The following TENM3 variants were observed in gnomAD, a reference collection of about 807,000 sequenced individuals.
TENM3 encodes teneurin transmembrane protein 3.
TENM3 carries 63 observed loss-of-function variants against 255.1 expected under a neutral mutation model. That is an observed-to-expected ratio of 0.25 (90% confidence interval 0.20 to 0.30). The LOEUF is 0.30. Ranked by LOEUF, TENM3 falls within the 10% of genes least tolerant of loss-of-function variation. The pLI is 1.00. For missense variants in TENM3, 2,929 were observed against 3,461.1 expected (o/e 0.85, Z 3.86); for synonymous variants, 1,306 against 1,322.3 (o/e 0.99, Z 0.27).
chr4:181,966,224 G>A, the TENM3 span, among the ~76,000 whole-genome samples: 1 of 152,142 alleles, frequency 6.6e-6, no homozygotes, highest in Non-Finnish European at 1.5e-5. Flanking sequence ...TGGAGAGTGA[G>A]TTACACAGGG....
the TENM3 span, among the ~76,000 whole-genome samples, chr4:182,136,018 T>A: frequency 6.6e-6 from 1 of 152,204 alleles, no homozygotes; most frequent in Admixed American, 6.5e-5. Context: ...AAATTTCAGA[T>A]AATTTGTATG....
the TENM3 span, among the ~76,000 whole-genome samples, chr4:181,818,864 A>G: frequency 1.3e-5 from 2 of 152,264 alleles, 1 homozygote; most frequent in South Asian, 4.1e-4. Context: ...TGGCCTCCCA[A>G]AGTGCTGGGA....
At chr4:182,117,684 T>C in the TENM3 span, among the ~76,000 whole-genome samples, 1 of 152,226 alleles carries the variant, frequency 6.6e-6, no homozygotes, top group African/African-American at 2.4e-5. Context: ...ACACCACACT[T>C]TCTTGATTAT....
intron 3 of TENM3, among the ~76,000 whole-genome samples, chr4:182,409,648 T>C (rs17073259): frequency 0.08 from 12,111 of 152,234 alleles, 798 homozygotes; most frequent in East Asian, 0.22. Flanking sequence ...GTCAAATAGA[T>C]ATTAGCTAGA....
chr4:181,605,596 A>AG, the TENM3 span, among the ~76,000 whole-genome samples: 229 of 131,288 alleles, frequency 1.7e-3, 22 homozygotes, highest in Admixed American at 0.01. Flanking sequence ...AAAGAAAGAA[A>AG]GAAAGAAAGA....
At chr4:181,895,353 A>C in the TENM3 span, among the ~76,000 whole-genome samples, 3 of 151,980 alleles carry the variant, frequency 2.0e-5, no homozygotes, top group Non-Finnish European at 4.4e-5. Flanking sequence ...TTTCTTTCTG[A>C]ATCAAACTAC....
intron 1 of TENM3, among the ~76,000 whole-genome samples, chr4:182,256,529 C>T (rs1758411210): frequency 1.3e-5 from 2 of 152,110 alleles, no homozygotes; most frequent in African/African-American, 4.8e-5. Flanking sequence ...CTTTTAAGAT[C>T]CTAAAACTCT....
In TENM3 at chr4:182,289,790, G is replaced by T. The variant is rs1760989959; in HGVS notation, c.-75-34156G>T. On this transcript the variant is annotated intron_variant, in intron 1 of 27. Coordinates refer to ENST00000511685, the MANE Select transcript of TENM3 (RefSeq NM_001080477.4). ...GGCCTTGTAGAAGTTGAATTTAATG[G>T]GATGATTTCATTTTCCAATGTCTTC... 2.6e-5 allele frequency among the ~76,000 whole-genome samples: 4 copies of T among 152,070 alleles called. No homozygotes were observed. The South Asian group carries it at 8.3e-4, about 32-fold the overall frequency.
chr4:182,374,924 T>G (rs28626927), intron 3 of TENM3, among the ~76,000 whole-genome samples: 3,095 of 152,254 alleles, frequency 0.02, 52 homozygotes, highest in East Asian at 0.067. Context: ...TTCCTTGCAA[T>G]TCCTGTGAAG....
chr4:182,790,624 C>T (rs6843840), intron 25 of TENM3, among the ~76,000 whole-genome samples: 16,985 of 152,150 alleles, frequency 0.11, 1,152 homozygotes, highest in Admixed American at 0.16. Flanking sequence ...CTCACCTGTC[C>T]GCTCTCATCA....
chr4:182,154,999 A>G (rs1463114239), intron 1 of TENM3, among the ~76,000 whole-genome samples: 1 of 152,204 alleles, frequency 6.6e-6, no homozygotes, highest in African/African-American at 2.4e-5. Flanking sequence ...TTTTGGTCCA[A>G]TAAATACATT....
intron 1 of TENM3, among the ~76,000 whole-genome samples, chr4:182,316,917 G>C (rs1323287131): frequency 6.6e-6 from 1 of 152,194 alleles, no homozygotes; most frequent in Non-Finnish European, 1.5e-5. Context: ...AAATTTTCAA[G>C]GCAGTAAGCA....
intron 1 of TENM3, among the ~76,000 whole-genome samples, chr4:182,181,792 T>A (rs1453337627): frequency 6.6e-6 from 1 of 152,206 alleles, no homozygotes; most frequent in Non-Finnish European, 1.5e-5. Flanking sequence ...ATAGTGCATT[T>A]GGTAAGTGTC....
the TENM3 span, among the ~76,000 whole-genome samples, chr4:182,044,276 A>G: frequency 6.6e-6 from 1 of 152,216 alleles, no homozygotes; most frequent in Non-Finnish European, 1.5e-5. Context: ...AAAAGAAAGG[A>G]AAGAACTTCA....
chr4:182,159,775 C>T (rs1750984297), intron 1 of TENM3, among the ~76,000 whole-genome samples: 1 of 152,040 alleles, frequency 6.6e-6, no homozygotes, highest in South Asian at 2.1e-4. Context: ...CCGGGAGCAG[C>T]GACACGATAG....
the TENM3 span, among the ~76,000 whole-genome samples, chr4:181,469,126 A>G: frequency 6.6e-6 from 1 of 151,992 alleles, no homozygotes; most frequent in Admixed American, 6.6e-5. Context: ...TCATGGGTAT[A>G]TTTTCTACTG....
At chr4:181,949,607 A>G in the TENM3 span, among the ~76,000 whole-genome samples, 1 of 152,122 alleles carries the variant, frequency 6.6e-6, no homozygotes, top group African/African-American at 2.4e-5. Flanking sequence ...CCTGGACCCT[A>G]TTCCTCCGCA....
Position 182,754,343 on chromosome 4 carries a change from G to A in TENM3, c.4018-42G>A. 6.6e-7 allele frequency: 1 copy of A among 1,514,074 alleles called. No homozygotes were observed. Among genetic ancestry groups the A allele is most frequent in the African/African-American group, 1.4e-5 (1 of 72,622 alleles). The allele number at this position is 1,514,074 out of a possible 1,614,324, so 93.8% of individuals were successfully genotyped here. On this transcript the variant is annotated intron_variant, in intron 21 of 27. Transcript: ENST00000511685. This position sits in a 1 kb window ranked among gnomAD's most constrained non-coding sequence, Gnocchi z 5.1. ...TTACTCTTCTGGCGAATTAACTGTAGTGCAGTAACTTACTAACCAGGCCAT... is the reference window on the plus strand; with the variant it reads ...TTACTCTTCTGGCGAATTAACTGTAATGCAGTAACTTACTAACCAGGCCAT...
chr4:181,481,789 T>G, the TENM3 span, among the ~76,000 whole-genome samples: 2 of 152,292 alleles, frequency 1.3e-5, no homozygotes, highest in African/African-American at 2.4e-5. Context: ...AAAGGAGAGA[T>G]ACGTATTCTA....
Sources: allele counts gnomAD v4.1 joint callset (sites outside exome capture counted in the v4.1 genomes callset), GRCh38; gene constraint gnomAD v4.1.1; non-coding constraint Gnocchi (gnomAD v3.1); transcripts MANE v1.5; gene names NCBI Gene and HGNC (gene_info 2026-07-23, HGNC 2026-07-21).